The following RASGRF2 variants were observed in gnomAD, a reference collection of about 807,000 sequenced individuals.
RASGRF2 encodes Ras protein specific guanine nucleotide releasing factor 2.
RASGRF2 carries 76 observed loss-of-function variants against 151.0 expected under a neutral mutation model. The observed-to-expected ratio is 0.50, with a 90% CI of 0.42 to 0.61. RASGRF2 has a LOEUF of 0.61. Ranked by LOEUF, RASGRF2 falls within the 20% of genes least tolerant of loss-of-function variation. The pLI is 0.00. For missense variants in RASGRF2, 1,148 were observed against 1,564.6 expected (o/e 0.73, Z 4.49); for synonymous variants, 504 against 566.5 (o/e 0.89, Z 1.57).
chr5:81,053,222 C>T (rs1019048357), intron 2 of RASGRF2, among the ~76,000 whole-genome samples: 1 of 151,058 alleles, frequency 6.6e-6, no homozygotes, highest in African/African-American at 2.4e-5. Flanking sequence ...GTGTGCTGCA[C>T]CCATTAACTC....
intron 1 of RASGRF2, among the ~76,000 whole-genome samples, chr5:80,965,747 C>T (rs1747701985): frequency 6.6e-6 from 1 of 152,138 alleles, no homozygotes; most frequent in African/African-American, 2.4e-5. Context: ...AGACCTAAAG[C>T]ATGTGTGATA....
intron 15 of RASGRF2, among the ~76,000 whole-genome samples, chr5:81,121,346 A>G (rs1580336067): frequency 6.6e-6 from 1 of 152,314 alleles, no homozygotes; most frequent in East Asian, 1.9e-4. Flanking sequence ...ACCTCATTGT[A>G]TAATATCAGT....
intron 26 of RASGRF2, among the ~76,000 whole-genome samples, chr5:81,224,266 C>T (rs573631759): frequency 5.3e-5 from 8 of 152,226 alleles, no homozygotes; most frequent in African/African-American, 7.2e-5. Flanking sequence ...TTTCACTTAT[C>T]GGATTGACAA....
intron 18 of RASGRF2, among the ~76,000 whole-genome samples, chr5:81,200,841 T>C (rs1288326302): frequency 6.6e-6 from 1 of 152,008 alleles, no homozygotes; most frequent in Non-Finnish European, 1.5e-5. Flanking sequence ...TAGAAATACA[T>C]GTATGGAGGC....
intron 17 of RASGRF2, among the ~76,000 whole-genome samples, chr5:81,144,561 A>G (rs1464660228): frequency 6.6e-6 from 1 of 152,172 alleles, no homozygotes; most frequent in Non-Finnish European, 1.5e-5. Flanking sequence ...GAAGCTCCCA[A>G]AGCTTCACCT....
chr5:81,215,386 T>G (rs1356447359), intron 23 of RASGRF2, among the ~76,000 whole-genome samples: 1 of 149,398 alleles, frequency 6.7e-6, no homozygotes, highest in African/African-American at 2.5e-5. Flanking sequence ...TTCTCCTGCC[T>G]CAGCCTCCCG....
chr5:81,145,986 G>A (rs1423806337), intron 17 of RASGRF2, among the ~76,000 whole-genome samples: 1 of 152,144 alleles, frequency 6.6e-6, no homozygotes, highest in African/African-American at 2.4e-5. Context: ...TTCATTTTTT[G>A]AAAGAGAAGC....
At chr5:81,110,143 A>C (rs1013183768) in intron 13 of RASGRF2, among the ~76,000 whole-genome samples, 3 of 152,200 alleles carry the variant, frequency 2.0e-5, no homozygotes, top group Admixed American at 2.0e-4. Flanking sequence ...AATGTTTCTC[A>C]GAGTTAAAAG....
chr5:80,985,646 G>T (rs963620730), intron 1 of RASGRF2, among the ~76,000 whole-genome samples: 1 of 152,176 alleles, frequency 6.6e-6, no homozygotes, highest in African/African-American at 2.4e-5. Context: ...GTCTACCCTG[G>T]ATTCTCTGTT....
intron 1 of RASGRF2, among the ~76,000 whole-genome samples, chr5:80,992,183 T>TACACACACACACATACACACACACACAC (rs747680420): frequency 9.7e-4 from 136 of 140,448 alleles, no homozygotes; most frequent in African/African-American, 3.4e-3. Flanking sequence ...CACACACAGA[T>TACACACACACACATACACACACACACAC]ACACACACAC....
Position 81,071,707 on chromosome 5 carries a change from A to T in RASGRF2, c.633+1126A>T, listed in dbSNP as rs200464192. On this transcript the variant is annotated intron_variant, in intron 4 of 26. Transcript: ENST00000265080. ...TGTTATAAGATTAATTAGTTTTTTT[A>T]AAAAAAATCCCATCTAGTCAGTCTG... Among the ~76,000 whole-genome samples the T allele has an allele frequency of 4.0e-3, 587 of 144,990 alleles. 9 individuals carry two copies. The highest frequency in any genetic ancestry group is 0.013 in the African/African-American group (526 of 40,236).
intron 18 of RASGRF2, among the ~76,000 whole-genome samples, chr5:81,187,464 C>T (rs1755050196): frequency 6.6e-6 from 1 of 152,164 alleles, no homozygotes; most frequent in Admixed American, 6.5e-5. Context: ...AACAAGAACC[C>T]GACCGGGTGG....
intron 12 of RASGRF2, among the ~76,000 whole-genome samples, chr5:81,097,777 AG>A (rs1414088075): frequency 6.6e-6 from 1 of 152,116 alleles, no homozygotes; most frequent in Non-Finnish European, 1.5e-5. Context: ...GGTATGCGAG[AG>A]GGAGAATAGA....
At chr5:81,092,751 A>C in intron 9 of RASGRF2, 50 bp from the exon 10 acceptor site, 26 of 1,544,076 alleles carry the variant, frequency 1.7e-5, no homozygotes, top group Non-Finnish European at 2.3e-5. Flanking sequence ...CATGGTCCTC[A>C]CTTGACAGAA....
chr5:81,209,005 C>G (rs1472847517), intron 22 of RASGRF2, among the ~76,000 whole-genome samples: 1 of 152,130 alleles, frequency 6.6e-6, no homozygotes, highest in Non-Finnish European at 1.5e-5. Flanking sequence ...GTTGCTGATC[C>G]TATTTTTATC....
chr5:81,200,220 A>G (rs909189777), intron 18 of RASGRF2, among the ~76,000 whole-genome samples: 21 of 150,004 alleles, frequency 1.4e-4, no homozygotes, highest in African/African-American at 4.2e-4. Flanking sequence ...GCAGTGAGCT[A>G]TGATCACACC....
chr5:81,013,590 ATT>A (rs1749538166), intron 1 of RASGRF2, among the ~76,000 whole-genome samples: 1 of 149,332 alleles, frequency 6.7e-6, no homozygotes, highest in South Asian at 2.1e-4. Flanking sequence ...TCCCAAATAT[ATT>A]TGTTATATAT....
chr5:80,969,275 T>C (rs1378466573), intron 1 of RASGRF2, among the ~76,000 whole-genome samples: 2 of 149,852 alleles, frequency 1.3e-5, no homozygotes, highest in African/African-American at 4.9e-5. Flanking sequence ...GGATTACAGG[T>C]GTGCACCACC....
Position 81,219,782 on chromosome 5 carries a change from ATAT to A in RASGRF2, c.3621+8_3621+10del, listed in dbSNP as rs1561266166. On this transcript the variant is annotated splice_donor_5th_base_variant and intron_variant, in intron 26 of 26. Transcript: ENST00000265080. ...CAGAATAGATCATCAGCCAAAGGTA[ATAT>A]TATGTGGCTGTGAAGAAATTAATAA... is the stretch of plus-strand genomic sequence containing the variant. 1.3e-6 allele frequency: 2 copies of A among 1,592,066 alleles called. No individual in the cohort carries two copies. Among genetic ancestry groups the A allele is most frequent in the Non-Finnish European group, 8.6e-7 (1 of 1,160,828 alleles).
Sources: gnomAD v4.1 joint callset for allele counts (sites outside exome capture counted in the v4.1 genomes callset) on GRCh38, gnomAD v4.1.1 for gene constraint, MANE v1.5 for transcripts, NCBI Gene and HGNC (gene_info 2026-07-23, HGNC 2026-07-21) for gene names.